Variants in AXDND1 observed in about 807,000 individuals in gnomAD.
The protein encoded by AXDND1 is axonemal dynein light chain domain containing 1.
In AXDND1, 110 loss-of-function variants were observed where a neutral mutation model predicts 137.5. That is an observed-to-expected ratio of 0.80 (90% confidence interval 0.69 to 0.94). The LOEUF (loss-of-function observed/expected upper bound fraction) is 0.94. AXDND1 is among the 40% of genes least tolerant of loss of function. The probability of loss-of-function intolerance (pLI) is 0.00; values close to 1 mark genes in which losing one functional copy is unlikely to be tolerated. For synonymous variants in AXDND1, 414 were observed against 399.7 expected (o/e 1.04, Z -0.43); for missense variants, 1,191 against 1,169.8 (o/e 1.02, Z -0.26).
At chr1:179,552,329 G>A (rs1213906429) in intron 25 of AXDND1, 2 of 516,192 alleles carry the variant, frequency 3.9e-6, no homozygotes, top group Non-Finnish European at 7.0e-6. Flanking sequence ...AGGGATTGAT[G>A]TGTGTGGAGG....
chr1:179,393,057 C>T (rs1202341369), intron 9 of AXDND1, among the ~76,000 whole-genome samples: 1 of 152,132 alleles, frequency 6.6e-6, no homozygotes, highest in Non-Finnish European at 1.5e-5. Flanking sequence ...AAGCCAATGT[C>T]TAGAAGAGTT....
At chr1:179,404,152 T>G (rs12749810) in intron 11 of AXDND1, among the ~76,000 whole-genome samples, 44,159 of 151,720 alleles carry the variant, frequency 0.29, 6,598 homozygotes, top group Non-Finnish European at 0.31. Flanking sequence ...TTTTATCTAT[T>G]CATGACATTG....
intron 13 of AXDND1, among the ~76,000 whole-genome samples, chr1:179,430,159 C>T (rs1464333302): frequency 3.3e-5 from 5 of 151,854 alleles, no homozygotes; most frequent in Non-Finnish European, 7.4e-5. Context: ...TTTGGTTTGG[C>T]TTCTTGGTTC....
intron 12 of AXDND1, among the ~76,000 whole-genome samples, chr1:179,423,006 C>G (rs573094512): frequency 6.6e-6 from 1 of 152,094 alleles, no homozygotes; most frequent in African/African-American, 2.4e-5. Flanking sequence ...TCAAGTGATC[C>G]GCCCACCTTA....
chr1:179,441,245 G>A (rs184158550), intron 15 of AXDND1, among the ~76,000 whole-genome samples: 58 of 152,176 alleles, frequency 3.8e-4, no homozygotes, highest in Non-Finnish European at 1.5e-4. Context: ...CGTTTTTTCC[G>A]TTGGGTGGGG....
chr1:179,535,864 T>C (rs1238069581), intron 25 of AXDND1, among the ~76,000 whole-genome samples: 1 of 152,226 alleles, frequency 6.6e-6, no homozygotes, highest in East Asian at 1.9e-4. Flanking sequence ...TTCCTATTTC[T>C]CCACATCCTC....
chr1:179,457,950 G>A (rs1661654879), intron 16 of AXDND1, among the ~76,000 whole-genome samples: 1 of 151,798 alleles, frequency 6.6e-6, no homozygotes, highest in African/African-American at 2.4e-5. Flanking sequence ...GAAATATCAT[G>A]GGCTGATTTT....
intron 24 of AXDND1, 145 bp from the exon 25 acceptor site, chr1:179,534,585 G>A (rs1671335421): frequency 1.9e-6 from 2 of 1,049,940 alleles, no homozygotes; most frequent in Admixed American, 3.6e-5. Context: ...CCAGTTCTCA[G>A]TTAATCATTG....
intron 8 of AXDND1, 44 bp downstream of exon 8, chr1:179,383,588 C>A: frequency 6.9e-7 from 1 of 1,452,192 alleles, no homozygotes; most frequent in Non-Finnish European, 9.7e-7. Flanking sequence ...AGAGCATGCA[C>A]TCAGGAGGCA....
In AXDND1 at chr1:179,411,364, A is replaced by T. The variant is rs1653850696; in HGVS notation, c.1230+98A>T. On this transcript the variant is annotated intron_variant, in intron 12 of 25. Coordinates refer to ENST00000367618, the MANE Select transcript of AXDND1 (RefSeq NM_144696.6). ...TTTTTTTGTTTTGTTTTGTTTTGAA[A>T]GAGTCTTACTCACTCTGTTGCTTAG... 12 of 1,484,780 alleles carry T rather than the reference A, an allele frequency of 8.1e-6. No homozygotes were observed. In the South Asian group the frequency reaches 1.5e-4, roughly 18 times the overall value. The allele number at this position is 1,484,780 out of a possible 1,614,324, so 92.0% of individuals were successfully genotyped here. A position where few individuals can be genotyped will look rare whatever the true frequency, so the allele number is the denominator to read the frequency against.
At chr1:179,520,405 G>A (rs374592102) in intron 21 of AXDND1, among the ~76,000 whole-genome samples, 5 of 152,054 alleles carry the variant, frequency 3.3e-5, no homozygotes, top group African/African-American at 9.6e-5. Context: ...TCTTTTTCAG[G>A]CATTTCATTG....
intron 20 of AXDND1, among the ~76,000 whole-genome samples, chr1:179,505,427 C>G (rs994682958): frequency 6.6e-6 from 1 of 152,060 alleles, no homozygotes; most frequent in Non-Finnish European, 1.5e-5. Context: ...CTGAGGCAAG[C>G]AGATCACCTG....
At chr1:179,431,883 G>A (rs1199481594) in intron 14 of AXDND1, among the ~76,000 whole-genome samples, 1 of 152,184 alleles carries the variant, frequency 6.6e-6, no homozygotes, top group East Asian at 1.9e-4. Context: ...TCTACCAGAA[G>A]TTGGGATTTC....
chr1:179,447,919 G>A (rs1222505132), intron 16 of AXDND1: 1 of 1,371,058 alleles, frequency 7.3e-7, no homozygotes, highest in Non-Finnish European at 1.0e-6. Flanking sequence ...TTGAGGTGGA[G>A]AGAGCGTGTT....
chr1:179,424,900 A>G (rs1558159381), intron 12 of AXDND1, among the ~76,000 whole-genome samples: 1 of 151,958 alleles, frequency 6.6e-6, no homozygotes, highest in Non-Finnish European at 1.5e-5. Flanking sequence ...TTTTTTTATT[A>G]TTTCAATCTC....
At chr1:179,471,955 C>T (rs926188204) in intron 17 of AXDND1, among the ~76,000 whole-genome samples, 1 of 151,772 alleles carries the variant, frequency 6.6e-6, no homozygotes, top group African/African-American at 2.4e-5. Context: ...AGTGCAGTGG[C>T]ATGACCTCAG....
chr1:179,526,774 A>G (rs1670569755), intron 22 of AXDND1, among the ~76,000 whole-genome samples: 1 of 152,222 alleles, frequency 6.6e-6, no homozygotes, highest in African/African-American at 2.4e-5. Flanking sequence ...ATAAATGGAA[A>G]TTGTCAGAGG....
At chr1:179,458,884 GAAAAT>G (rs1311621811) in intron 16 of AXDND1, among the ~76,000 whole-genome samples, 2 of 149,120 alleles carry the variant, frequency 1.3e-5, no homozygotes, top group South Asian at 2.1e-4. Flanking sequence ...GGTGGTTCTA[GAAAAT>G]AAAATAATAG....
In AXDND1 at chr1:179,496,686, T is replaced by C. The variant is rs78262674; in HGVS notation, c.2388+3735T>C. ...ATTTTTCTCCACAATTTTTCTGTTTTCTACGTCCTTAATTTCCAGTCTAGT... is the reference window on the plus strand; with the variant it reads ...ATTTTTCTCCACAATTTTTCTGTTTCCTACGTCCTTAATTTCCAGTCTAGT... On this transcript the variant is annotated intron_variant, in intron 20 of 25. Transcript: ENST00000367618. 5.6e-3 allele frequency among the ~76,000 whole-genome samples: 857 copies of C among 152,186 alleles called. 2 individuals carry two copies. The highest frequency in any genetic ancestry group is 9.9e-3 in the Non-Finnish European group (673 of 67,922).
Sources: allele counts gnomAD v4.1 joint callset (sites outside exome capture counted in the v4.1 genomes callset), GRCh38; gene constraint gnomAD v4.1.1; transcripts MANE v1.5; gene names NCBI Gene and HGNC (gene_info 2026-07-23, HGNC 2026-07-21).